NAA30: variants seen among roughly 807,000 people sequenced by gnomAD.
NAA30 encodes the protein N-alpha-acetyltransferase 30, NatC catalytic subunit, also known as N-alpha-acetyltransferase 30.
A neutral mutation model predicts 31.4 loss-of-function variants in NAA30; 5 were observed. That is an observed-to-expected ratio of 0.16 (90% CI 0.08 to 0.33). The LOEUF is 0.33. Ranked by LOEUF, NAA30 falls within the 10% of genes least tolerant of loss-of-function variation. The pLI, the probability that NAA30 is intolerant of heterozygous loss-of-function variation, is 1.00. For missense variants in NAA30, 428 were observed against 490.8 expected (o/e 0.87, Z 1.21); for synonymous variants, 222 against 207.1 (o/e 1.07, Z -0.62).
rs1332256072 is a variant in NAA30, at chr14:57,410,949, T to G, written c.*1433T>G. 6.6e-6 allele frequency: 1 copy of G among 152,506 alleles called. No homozygotes were observed. The highest frequency in any genetic ancestry group is 1.5e-5 in the Non-Finnish European group (1 of 67,966). The allele number at this position is 152,506 out of a possible 1,614,324, so 9.4% of individuals were successfully genotyped here. A position where few individuals can be genotyped will look rare whatever the true frequency, so the allele number is the denominator to read the frequency against. The stretch of plus-strand genomic sequence containing the variant: ...TGTTTTCATTTGAATATGCTCTACT[T>G]CTGCTCTAGTATTTGGTTTGGAATA... On this transcript the variant is annotated 3_prime_UTR_variant, in exon 5 of 5. Transcript: ENST00000556492.
At chr14:57,408,952 T>C (rs1487276530) in intron 4 of NAA30, among the ~76,000 whole-genome samples, 7 of 152,204 alleles carry the variant, frequency 4.6e-5, no homozygotes, top group African/African-American at 1.7e-4. Flanking sequence ...ATAAATGACA[T>C]ATTAATGAAA....
chr14:57,391,060 C>T lies in NAA30; in HGVS notation c.103C>T (p.Leu35Phe). ...CTGTCCCTTCCCGGCGGGGGCCGCC[C>T]TCGCCTGCTGCAGCGAGGACGAGGA... Reference protein sequence around the residue: ...PRCPFPAGAALACCSEDEEDD... With the variant: ...PRCPFPAGAAFACCSEDEEDD... Residue 35 changes from leucine to phenylalanine, a missense_variant, in exon 2 of 5, where the codon CTC becomes TTC. By Grantham distance (22) the Leu-to-Phe change is conservative. This residue lies in a region of NAA30 where 349 missense variants were observed against 310.4 expected (regional missense o/e 1.12). Transcript: ENST00000556492. This position sits in a 1 kb window ranked among gnomAD's most constrained non-coding sequence, Gnocchi z 4.1. The T allele has an allele frequency of 6.6e-7, 1 of 1,520,428 alleles. No homozygotes were observed. The highest frequency in any genetic ancestry group is 8.8e-7 in the Non-Finnish European group (1 of 1,140,744). 94.2% of individuals were successfully genotyped at this position (1,520,428 alleles called of 1,614,324 possible).
At chr14:57,405,536 G>T (rs1420727960) in intron 4 of NAA30, among the ~76,000 whole-genome samples, 1 of 151,970 alleles carries the variant, frequency 6.6e-6, no homozygotes, top group Non-Finnish European at 1.5e-5. Flanking sequence ...AAGGATTTTG[G>T]GTGAGTAGTT....
chr14:57,390,668 A>G lies in NAA30; in HGVS notation c.-39A>G. 1 of 320,878 alleles carries G rather than the reference A, an allele frequency of 3.1e-6. No individual in the cohort carries two copies. Among genetic ancestry groups the G allele is most frequent in the South Asian group, 1.2e-4 (1 of 8,674 alleles). The allele number at this position is 320,878 out of a possible 1,614,324, so 19.9% of individuals were successfully genotyped here. Reference sequence around the variant, plus strand: ...AGGAGGCGGCGGCGGTGGCGGAGGAAGAGGAGTGGCGGCAGCGGCGGCGGG... The same window carrying G: ...AGGAGGCGGCGGCGGTGGCGGAGGAGGAGGAGTGGCGGCAGCGGCGGCGGG... On this transcript the variant is annotated 5_prime_UTR_variant, in exon 1 of 5. Transcript: ENST00000556492.
intron 1 of NAA30, 21 bp from the exon 2 acceptor site, chr14:57,390,936 C>A (rs755900430): frequency 8.9e-6 from 13 of 1,463,458 alleles, no homozygotes; most frequent in Non-Finnish European, 9.9e-6. Context: ...GGCCTCCCCT[C>A]TCGGTCTGTG....
chr14:57,408,005 TG>T (rs956501447), intron 4 of NAA30, among the ~76,000 whole-genome samples: 2 of 152,016 alleles, frequency 1.3e-5, no homozygotes, highest in Non-Finnish European at 2.9e-5. Flanking sequence ...ATTGGTGTGG[TG>T]GGGGGTGATC....
intron 2 of NAA30, among the ~76,000 whole-genome samples, chr14:57,392,854 C>T (rs1263154992): frequency 6.6e-6 from 1 of 152,092 alleles, no homozygotes; most frequent in East Asian, 1.9e-4. Context: ...AAAATGTAAC[C>T]TGGGTATTGT....
intron 3 of NAA30, among the ~76,000 whole-genome samples, chr14:57,397,619 G>A (rs1208162967): frequency 6.6e-6 from 1 of 152,054 alleles, no homozygotes; most frequent in East Asian, 1.9e-4. Context: ...TTTAAATAAC[G>A]CCATAAAACT....
At chr14:57,390,926 G>C in intron 1 of NAA30, 31 bp from the exon 2 acceptor site, 1 of 1,454,274 alleles carries the variant, frequency 6.9e-7, no homozygotes, top group Non-Finnish European at 9.0e-7. Flanking sequence ...CGGGTTTCAT[G>C]GCCTCCCCTC....
In NAA30 at chr14:57,412,833, C is replaced by T. The variant is rs2066529485; in HGVS notation, c.*3317C>T. 1 of 152,134 alleles carries T rather than the reference C, an allele frequency of 6.6e-6. No homozygotes were observed. The highest frequency in any genetic ancestry group is 1.5e-5 in the Non-Finnish European group (1 of 68,008). The allele number at this position is 152,134 out of a possible 1,614,324, so 9.4% of individuals were successfully genotyped here. On this transcript the variant is annotated 3_prime_UTR_variant, in exon 5 of 5. Coordinates refer to ENST00000556492, the MANE Select transcript of NAA30 (RefSeq NM_001011713.3). Reference sequence around the variant, plus strand: ...ACCTACTAAGTAAAACAGCAACAAACAATATATTGTTTCCCGCTTCCTGCC... The same window carrying T: ...ACCTACTAAGTAAAACAGCAACAAATAATATATTGTTTCCCGCTTCCTGCC...
intron 4 of NAA30, among the ~76,000 whole-genome samples, chr14:57,402,431 A>G (rs2066481006): frequency 6.6e-6 from 1 of 152,206 alleles, no homozygotes; most frequent in Non-Finnish European, 1.5e-5. Context: ...TTTTTGAATG[A>G]TCAGTTCTGT....
chr14:57,410,895 T>C lies in NAA30; in HGVS notation c.*1379T>C, dbSNP rs1390319051. The C allele has an allele frequency of 6.6e-6, 1 of 152,530 alleles. No homozygotes were observed. Among genetic ancestry groups the C allele is most frequent in the Non-Finnish European group, 1.5e-5 (1 of 67,980 alleles). The allele number at this position is 152,530 out of a possible 1,614,324, so 9.4% of individuals were successfully genotyped here. A position where few individuals can be genotyped will look rare whatever the true frequency, so the allele number is the denominator to read the frequency against. On this transcript the variant is annotated 3_prime_UTR_variant, in exon 5 of 5. Coordinates refer to ENST00000556492, the MANE Select transcript of NAA30 (RefSeq NM_001011713.3). ...GGTACCCATAAGAAAAAAGATTCAT[T>C]CTCTGTGAAAACTGTAGGAATCTGT...
Position 57,391,566 on chromosome 14 carries a change from G to A in NAA30, c.609G>A (p.Arg203=), listed in dbSNP as rs372431492. The A allele has an allele frequency of 2.5e-6, 4 of 1,614,100 alleles. No homozygotes were observed. The African/African-American group carries it at 5.3e-5, about 22-fold the overall frequency. ...ADCSLRSPSG[R]EVEPGEDRTI... ...GCAGCTTAAGAAGCCCTTCGGGCAG[G>A]GAGGTTGAGCCTGGGGAGGATCGGA... is the stretch of plus-strand genomic sequence containing the variant. Residue 203 remains arginine, a synonymous_variant, in exon 2 of 5, where the codon AGG becomes AGA. Transcript: ENST00000556492. This position sits in a 1 kb window ranked among gnomAD's most constrained non-coding sequence, Gnocchi z 4.1.
intron 4 of NAA30, among the ~76,000 whole-genome samples, chr14:57,404,552 A>G (rs1222599730): frequency 6.6e-6 from 1 of 152,200 alleles, no homozygotes. Flanking sequence ...AGAAGAAGAA[A>G]GTTCACTACC....
In NAA30 at chr14:57,414,124, C is replaced by G. The variant is rs750816924; in HGVS notation, c.*4608C>G. 2 of 152,338 alleles carry G rather than the reference C, an allele frequency of 1.3e-5. No homozygotes were observed. The highest frequency in any genetic ancestry group is 2.9e-5 in the Non-Finnish European group (2 of 68,050). 9.4% of individuals were successfully genotyped at this position (152,338 alleles called of 1,614,324 possible). On this transcript the variant is annotated 3_prime_UTR_variant, in exon 5 of 5. Coordinates refer to ENST00000556492, the MANE Select transcript of NAA30 (RefSeq NM_001011713.3). ...AGGTTGAAAGATAAAATGGAAGGATCACAATTAGGCCAGATGTGGTGGCTC... is the reference window on the plus strand; with the variant it reads ...AGGTTGAAAGATAAAATGGAAGGATGACAATTAGGCCAGATGTGGTGGCTC...
In NAA30 at chr14:57,391,209, C is replaced by A. The variant is rs758815970; in HGVS notation, c.252C>A (p.Leu84=). 20 of 1,611,932 alleles carry A rather than the reference C, an allele frequency of 1.2e-5. No homozygotes were observed. The part of the protein sequence containing the change: ...CPQPPQEQQQ[L]NGLISPELRH... ...AGCCGCCGCAGGAGCAGCAGCAGCT[C>A]AACGGATTGATTAGCCCCGAACTGC... The change falls in exon 2 of 5, where the codon CTC becomes CTA. Residue 84 remains leucine, a synonymous_variant. Transcript: ENST00000556492. The surrounding 1 kb of genome is among the most constrained non-coding windows in gnomAD (Gnocchi z 4.1).
At position 57,391,055 on chromosome 14, in the gene NAA30, C is replaced by T. The variant is rs1442757748; in HGVS notation, c.98C>T (p.Ala33Val). 6 of 1,511,158 alleles carry T rather than the reference C, an allele frequency of 4.0e-6. No homozygotes were observed. The highest frequency in any genetic ancestry group is 2.1e-4 in the Middle Eastern group (1 of 4,652). 93.6% of individuals were successfully genotyped at this position (1,511,158 alleles called of 1,614,324 possible). A position where few individuals can be genotyped will look rare whatever the true frequency, so the allele number is the denominator to read the frequency against. ...CCCCGCTGTCCCTTCCCGGCGGGGG[C>T]CGCCCTCGCCTGCTGCAGCGAGGAC... Reference protein sequence around the residue: ...VEPRCPFPAGAALACCSEDEE... With the variant: ...VEPRCPFPAGVALACCSEDEE... The change falls in exon 2 of 5, where the codon GCC becomes GTC. Residue 33 changes from alanine (A) to valine (V), a missense_variant. Around this residue, in one of 2 missense-constraint regions of NAA30, gnomAD observed 349 missense variants for 310.4 expected, o/e 1.12. Coordinates refer to ENST00000556492, the MANE Select transcript of NAA30 (RefSeq NM_001011713.3). The surrounding 1 kb of genome is among the most constrained non-coding windows in gnomAD (Gnocchi z 4.1).
Position 57,391,162 on chromosome 14 carries a change from C to A in NAA30, c.205C>A (p.His69Asn). 2 of 1,606,584 alleles carry A rather than the reference C, an allele frequency of 1.2e-6. No homozygotes were observed. Among genetic ancestry groups the A allele is most frequent in the Non-Finnish European group, 1.7e-6 (2 of 1,178,148 alleles). The change falls in exon 2 of 5, where the codon CAT becomes AAT. Residue 69 changes from histidine (H) to asparagine (N), a missense_variant. Coordinates refer to ENST00000556492, the MANE Select transcript of NAA30 (RefSeq NM_001011713.3). The surrounding 1 kb of genome is among the most constrained non-coding windows in gnomAD (Gnocchi z 4.1). ...GESATVAAKGHPCLRCPQPPQ... is the reference protein window; with the variant it reads ...GESATVAAKGNPCLRCPQPPQ... ...GTCGGCGACGGTGGCGGCCAAGGGG[C>A]ATCCGTGCCTCCGCTGCCCTCAGCC...
At chr14:57,393,706 A>C (rs1594749291) in intron 2 of NAA30, among the ~76,000 whole-genome samples, 1 of 152,302 alleles carries the variant, frequency 6.6e-6, no homozygotes, top group Non-Finnish European at 1.5e-5. Flanking sequence ...TTCAATCTCC[A>C]GATATTTACT....
Sources: allele counts gnomAD v4.1 joint callset (sites outside exome capture counted in the v4.1 genomes callset), GRCh38; gene constraint gnomAD v4.1.1; regional missense constraint gnomAD v4.1.1; non-coding constraint Gnocchi (gnomAD v3.1); transcripts MANE v1.5; gene names NCBI Gene and HGNC (gene_info 2026-07-23, HGNC 2026-07-21).